Variants in PIK3C2B observed in about 807,000 individuals in gnomAD.
The protein encoded by PIK3C2B is phosphatidylinositol 4-phosphate 3-kinase C2 domain-containing subunit beta.
In PIK3C2B, 83 loss-of-function variants were observed where a neutral mutation model predicts 184.3. The observed-to-expected ratio is 0.45, with a 90% confidence interval of 0.38 to 0.54. PIK3C2B has a LOEUF of 0.54. Ranked by LOEUF, PIK3C2B falls within the 20% of genes least tolerant of loss-of-function variation. PIK3C2B has a pLI of 0.00. For synonymous variants in PIK3C2B, 779 were observed against 837.6 expected (o/e 0.93, Z 1.21); for missense variants, 1,736 against 2,113.5 (o/e 0.82, Z 3.50).
At position 204,429,990 on chromosome 1, in the gene PIK3C2B, G is replaced by A. The variant is rs369408827; in HGVS notation, c.4329C>T (p.Ala1443=). 55 of 1,611,890 alleles carry A rather than the reference G, an allele frequency of 3.4e-5. No homozygotes were observed. The highest frequency in any genetic ancestry group is 2.5e-4 in the African/African-American group (19 of 75,038). The stretch of plus-strand genomic sequence containing the variant: ...CGTTTAGCTCCTCCCTCCGCCGCTC[G>A]GCCACCGCCTCTCCCCGGGAGCGGC... ...VIGRSRGEAV[A]ERRREELNGY... Residue 1443 remains alanine (A), a synonymous_variant, in exon 29 of 33, where the codon GCC becomes GCT. Coordinates refer to ENST00000684373, the MANE Select transcript of PIK3C2B (RefSeq NM_001377334.1).
rs368162316 is a variant in PIK3C2B at position 204,439,097 on chromosome 1, G to A, written c.3380-26C>T. On this transcript the variant is annotated intron_variant, in intron 22 of 32. Transcript: ENST00000684373. ...CTGTGAGGGGAGAAATGGGGGTCAC[G>A]TTCCAGACCAGAATGAAGGGGACTG... The A allele has an allele frequency of 5.7e-5, 91 of 1,609,926 alleles. No individual in the cohort carries two copies. In the African/African-American group the frequency reaches 8.8e-4, roughly 16 times the overall value.
intron 10 of PIK3C2B, among the ~76,000 whole-genome samples, chr1:204,456,747 C>T (rs1352865755): frequency 6.6e-6 from 1 of 152,030 alleles, no homozygotes; most frequent in East Asian, 1.9e-4. Flanking sequence ...CACCACCCCA[C>T]TCCCACACTT....
chr1:204,443,381 A>G lies in PIK3C2B; in HGVS notation c.3048+36T>C, dbSNP rs372109254. The stretch of plus-strand genomic sequence containing the variant: ...AAGAAACTGGCTGCCAAAGCCCTGG[A>G]TGAGAAATGGGTAGGGGCAGCCTCA... On this transcript the variant is annotated intron_variant, in intron 19 of 32. Coordinates refer to ENST00000684373, the MANE Select transcript of PIK3C2B (RefSeq NM_001377334.1). 5.1e-5 allele frequency: 81 copies of G among 1,583,122 alleles called. No homozygotes were observed. The African/African-American group carries it at 1.0e-3, about 20-fold the overall frequency.
intron 1 of PIK3C2B, chr1:204,489,812 A>G (rs1000745395): frequency 7.5e-6 from 3 of 397,980 alleles, no homozygotes; most frequent in African/African-American, 6.2e-5. Flanking sequence ...AAAAGAACTC[A>G]TACCTGATTC....
At chr1:204,454,115 C>T (rs1374718422) in intron 12 of PIK3C2B, among the ~76,000 whole-genome samples, 1 of 151,908 alleles carries the variant, frequency 6.6e-6, no homozygotes, top group Non-Finnish European at 1.5e-5. Flanking sequence ...TTACAAAGAG[C>T]CTTTATAGAT....
intron 12 of PIK3C2B, among the ~76,000 whole-genome samples, chr1:204,451,942 G>A (rs1654394818): frequency 6.6e-6 from 1 of 152,166 alleles, no homozygotes. Flanking sequence ...TACCATTCTA[G>A]GTTGAAAGAC....
At chr1:204,434,017 C>T (rs937470395) in intron 24 of PIK3C2B, 68 bp from the exon 25 acceptor site, 1 of 1,326,120 alleles carries the variant, frequency 7.5e-7, no homozygotes, top group African/African-American at 1.4e-5. Flanking sequence ...TGGGCTGCAT[C>T]AGGGGTCAGT....
At chr1:204,459,596 C>T (rs1655155300) in intron 8 of PIK3C2B, among the ~76,000 whole-genome samples, 1 of 152,168 alleles carries the variant, frequency 6.6e-6, no homozygotes, top group African/African-American at 2.4e-5. Flanking sequence ...GCTCTAGGTT[C>T]CTTAGCTCTG....
At chr1:204,453,393 G>T (rs1183549314) in intron 12 of PIK3C2B, among the ~76,000 whole-genome samples, 1 of 152,170 alleles carries the variant, frequency 6.6e-6, no homozygotes, top group Non-Finnish European at 1.5e-5. Flanking sequence ...TTTACATGTG[G>T]TGATTAATAT....
At position 204,442,589 on chromosome 1, in the gene PIK3C2B, G is replaced by A; in HGVS notation, c.3093C>T (p.Ala1031=). 1 of 1,556,716 alleles carries A rather than the reference G, an allele frequency of 6.4e-7. No homozygotes were observed. Among genetic ancestry groups the A allele is most frequent in the South Asian group, 1.2e-5 (1 of 84,378 alleles). ...GTGGCAAGCGGCACGAGCCATTGAG[G>A]GCAAAGAACTGCTTCACCTCCTCCA... The part of the protein sequence containing the change: ...TGLEEVKQFF[A]LNGSCRLPLS... The change falls in exon 20 of 33, where the codon GCC becomes GCT. Residue 1031 remains alanine, a synonymous_variant. Transcript: ENST00000684373.
At chr1:204,448,207 C>T (rs899814815) in intron 14 of PIK3C2B, among the ~76,000 whole-genome samples, 7 of 151,666 alleles carry the variant, frequency 4.6e-5, no homozygotes, top group African/African-American at 1.2e-4. Flanking sequence ...TCTGCCTCCC[C>T]GGTTCAAGTG....
At chr1:204,468,806 A>T (rs1247697696) in intron 2 of PIK3C2B, 64 bp downstream of exon 2, 2 of 1,380,894 alleles carry the variant, frequency 1.4e-6, no homozygotes, top group Admixed American at 4.2e-5. Context: ...AACAGCAGAG[A>T]CTAGTCCCTG....
chr1:204,441,869 C>T (rs1191524833), intron 20 of PIK3C2B, among the ~76,000 whole-genome samples: 1 of 152,196 alleles, frequency 6.6e-6, no homozygotes, highest in African/African-American at 2.4e-5. Flanking sequence ...ATCTACACCT[C>T]AGTTTACTCC....
intron 1 of PIK3C2B, among the ~76,000 whole-genome samples, chr1:204,475,171 C>T (rs1010810318): frequency 4.6e-5 from 7 of 152,134 alleles, no homozygotes; most frequent in African/African-American, 1.4e-4. Flanking sequence ...CTGATCACCT[C>T]GCTTCCTGCC....
At position 204,443,584 on chromosome 1, in the gene PIK3C2B, C is replaced by T. The variant is rs765514810; in HGVS notation, c.2881G>A (p.Gly961Ser). The change falls in exon 19 of 33, where the codon GGC becomes AGC. Residue 961 changes from glycine (G) to serine (S), a missense_variant. This residue lies in a region of PIK3C2B where 289 missense variants were observed against 380.4 expected (regional missense o/e 0.76). Transcript: ENST00000684373. ...THYFFWLLKDGLKDSQFSIRY... is the reference protein window; with the variant it reads ...THYFFWLLKDSLKDSQFSIRY... Reference sequence around the variant, plus strand: ...ATGCTGAACTGAGAGTCCTTGAGGCCGTCCTTCAGTAACCTGCAAGGCAGA... The same window carrying T: ...ATGCTGAACTGAGAGTCCTTGAGGCTGTCCTTCAGTAACCTGCAAGGCAGA... 27 of 1,614,124 alleles carry T rather than the reference C, an allele frequency of 1.7e-5. No homozygotes were observed. Among genetic ancestry groups the T allele is most frequent in the Middle Eastern group, 1.7e-4 (1 of 6,058 alleles).
rs1484611475 is a variant in PIK3C2B at position 204,455,987 on chromosome 1, G to A, written c.1812C>T (p.Phe604=). 1.2e-6 allele frequency: 2 copies of A among 1,614,188 alleles called. No individual in the cohort carries two copies. The highest frequency in any genetic ancestry group is 1.7e-6 in the Non-Finnish European group (2 of 1,180,012). Reference sequence around the variant, plus strand: ...GCACTGCCGTCTGGAAGTCTGCGTTGAATGTGTTGCAGTACAGCTCCACCA... The same window carrying A: ...GCACTGCCGTCTGGAAGTCTGCGTTAAATGTGTTGCAGTACAGCTCCACCA... ...LDLVELYCNT[F]NADFQTAVPG... is the part of the protein sequence containing the mutation. Residue 604 remains phenylalanine, a synonymous_variant, in exon 11 of 33, where the codon TTC becomes TTT. Coordinates refer to ENST00000684373, the MANE Select transcript of PIK3C2B (RefSeq NM_001377334.1).
intron 11 of PIK3C2B, among the ~76,000 whole-genome samples, chr1:204,455,402 C>T (rs776882502): frequency 2.6e-5 from 4 of 152,222 alleles, no homozygotes; most frequent in Non-Finnish European, 5.9e-5. Context: ...GCTGGGGACC[C>T]AACAGAGGCG....
rs61763431 is a variant in PIK3C2B at position 204,434,806 on chromosome 1, C to T, written c.3517-198G>A. On this transcript the variant is annotated intron_variant, in intron 23 of 32. Transcript: ENST00000684373. ...ACACACACAGAAACATCTCCCATGTCTTATGGAAAAGATGGAGATTTATAT... is the reference window on the plus strand; with the variant it reads ...ACACACACAGAAACATCTCCCATGTTTTATGGAAAAGATGGAGATTTATAT... Among the ~76,000 whole-genome samples, 823 of 152,316 alleles carry T rather than the reference C, an allele frequency of 5.4e-3. 12 individuals carry two copies. The highest frequency in any genetic ancestry group is 0.019 in the African/African-American group (789 of 41,566).
chr1:204,487,233 G>C (rs1029527028), intron 1 of PIK3C2B, among the ~76,000 whole-genome samples: 1 of 152,192 alleles, frequency 6.6e-6, no homozygotes, highest in African/African-American at 2.4e-5. Context: ...AGCCTCTCAA[G>C]TAGCTAGGAC....
Sources: allele counts gnomAD v4.1 joint callset (sites outside exome capture counted in the v4.1 genomes callset), GRCh38; gene constraint gnomAD v4.1.1; regional missense constraint gnomAD v4.1.1; transcripts MANE v1.5; gene names NCBI Gene and HGNC (gene_info 2026-07-23, HGNC 2026-07-21).